Variants in PPP4R2 observed in about 807,000 individuals in gnomAD.
PPP4R2 encodes the protein protein phosphatase 4 regulatory subunit 2.
Under a neutral mutation model 47.2 loss-of-function variants are expected in PPP4R2, and 13 were observed. That is an observed-to-expected ratio of 0.28 (90% CI 0.18 to 0.44). PPP4R2 has a LOEUF of 0.44. Among genes scored for constraint, PPP4R2 ranks in the 20% least tolerant of loss-of-function variants. The pLI, the probability that PPP4R2 is intolerant of heterozygous loss-of-function variation, is 1.00. For missense variants in PPP4R2, 421 were observed against 491.2 expected (o/e 0.86, Z 1.35); for synonymous variants, 151 against 163.3 (o/e 0.92, Z 0.57).
rs1701777064 is a variant in PPP4R2, at chr3:73,014,059, G to A, written c.116+15901G>A. Among the ~76,000 whole-genome samples, 4 of 129,572 alleles carry A rather than the reference G, an allele frequency of 3.1e-5. 2 individuals are homozygous for A. The highest frequency in any genetic ancestry group is 7.2e-5 in the Non-Finnish European group (4 of 55,878). The allele number at this position is 129,572 out of a possible 152,430, so 85.0% of individuals were successfully genotyped here. A position where few individuals can be genotyped will look rare whatever the true frequency, so the allele number is the denominator to read the frequency against. ...CCTGTCTTCTTTGATGGTTTTTTGG[G>A]CAGTTTACAGTTACCAACCAATTCA... is the stretch of plus-strand genomic sequence containing the variant. On this transcript the variant is annotated intron_variant, in intron 2 of 8. Transcript: ENST00000356692.
In PPP4R2 at chr3:72,996,913, C is replaced by G. The variant is rs535507370; in HGVS notation, c.-125C>G. 1.8e-5 allele frequency: 11 copies of G among 603,780 alleles called. No homozygotes were observed. The highest frequency in any genetic ancestry group is 6.9e-5 in the East Asian group (2 of 28,898). The allele number at this position is 603,780 out of a possible 1,614,324, so 37.4% of individuals were successfully genotyped here. ...CCCCGGCTCCCTTCGTTTCCCCCCC[C>G]CGGTCGCCTGCGTGCCGGAGTGTGT... On this transcript the variant is annotated 5_prime_UTR_variant, in exon 1 of 9. Transcript: ENST00000356692.
At position 73,065,735 on chromosome 3, in the gene PPP4R2, A is replaced by G; in HGVS notation, c.*13A>G. The G allele has an allele frequency of 6.5e-7, 1 of 1,549,510 alleles. No individual in the cohort carries two copies. Among genetic ancestry groups the G allele is most frequent in the Non-Finnish European group, 8.8e-7 (1 of 1,137,628 alleles). On this transcript the variant is annotated 3_prime_UTR_variant, in exon 9 of 9. Coordinates refer to ENST00000356692, the MANE Select transcript of PPP4R2 (RefSeq NM_174907.4). Reference sequence around the variant, plus strand: ...GGAACAAGACTAACTATTTAGAAACATTTAGATGCAGTATTTTACATACAG... The same window carrying G: ...GGAACAAGACTAACTATTTAGAAACGTTTAGATGCAGTATTTTACATACAG...
intron 2 of PPP4R2, among the ~76,000 whole-genome samples, chr3:73,018,557 A>C (rs1298418394): frequency 7.8e-6 from 1 of 128,174 alleles, no homozygotes; most frequent in Non-Finnish European, 1.8e-5. Flanking sequence ...GGGCACAAGC[A>C]GTTCTCCCAC....
At chr3:73,062,325 A>G (rs1702879649) in intron 5 of PPP4R2, 1 of 1,604,406 alleles carries the variant, frequency 6.2e-7, no homozygotes, top group Admixed American at 1.7e-5. Context: ...GCTATCTGGG[A>G]AAAACAGACA....
At chr3:73,015,651 T>C (rs1701814492) in intron 2 of PPP4R2, among the ~76,000 whole-genome samples, 1 of 151,280 alleles carries the variant, frequency 6.6e-6, no homozygotes, top group African/African-American at 2.4e-5. Context: ...TTTTTTTTTT[T>C]TTTTGAGACG....
At chr3:73,012,168 G>A (rs1701738130) in intron 2 of PPP4R2, among the ~76,000 whole-genome samples, 1 of 152,028 alleles carries the variant, frequency 6.6e-6, no homozygotes, top group Non-Finnish European at 1.5e-5. Flanking sequence ...GCACATCCTT[G>A]GTGCATCTCT....
At chr3:73,042,919 TAG>T (rs1288632104) in intron 2 of PPP4R2, among the ~76,000 whole-genome samples, 1 of 152,192 alleles carries the variant, frequency 6.6e-6, no homozygotes, top group African/African-American at 2.4e-5. Flanking sequence ...GTTAGTGCCA[TAG>T]AGTCTTTGAA....
chr3:73,014,627 G>A (rs890270330), intron 2 of PPP4R2, among the ~76,000 whole-genome samples: 1 of 152,020 alleles, frequency 6.6e-6, no homozygotes, highest in African/African-American at 2.4e-5. Context: ...CTGAAAATCT[G>A]GTAGGTGAAA....
chr3:73,056,860 TA>T (rs1460399479), intron 3 of PPP4R2, among the ~76,000 whole-genome samples: 2 of 152,210 alleles, frequency 1.3e-5, no homozygotes, highest in Non-Finnish European at 2.9e-5. Flanking sequence ...AAACTAATTT[TA>T]ATTAGTGAGA....
intron 2 of PPP4R2, among the ~76,000 whole-genome samples, chr3:73,001,781 G>A (rs1701467209): frequency 6.6e-6 from 1 of 151,814 alleles, no homozygotes; most frequent in African/African-American, 2.4e-5. Context: ...TGGGACTACA[G>A]GCACACACAA....
rs546631684 is a variant in PPP4R2, at chr3:73,016,775, C to T, written c.116+18617C>T. 3.1e-4 allele frequency among the ~76,000 whole-genome samples: 33 copies of T among 107,116 alleles called. 1 individual carries two copies. The highest frequency in any genetic ancestry group is 1.1e-3 in the African/African-American group (29 of 26,874). The allele number at this position is 107,116 out of a possible 152,430, so 70.3% of individuals were successfully genotyped here. On this transcript the variant is annotated intron_variant, in intron 2 of 8. Coordinates refer to ENST00000356692, the MANE Select transcript of PPP4R2 (RefSeq NM_174907.4). ...TTTTTAATACAGAGTCTCACTCTGT[C>T]ACCCATTCTGTTAACTGGCTTTACT...
intron 2 of PPP4R2, among the ~76,000 whole-genome samples, chr3:73,028,823 A>G (rs1388703381): frequency 6.6e-6 from 1 of 152,194 alleles, no homozygotes; most frequent in African/African-American, 2.4e-5. Context: ...CAAGGAGGCC[A>G]CTGTGGCTGA....
intron 5 of PPP4R2, chr3:73,063,428 A>T (rs564499722): frequency 5.3e-5 from 19 of 357,452 alleles, no homozygotes; most frequent in Middle Eastern, 8.8e-4. Context: ...GTTTGAGGCT[A>T]GCCTGGCCAA....
chr3:73,062,368 G>A, intron 5 of PPP4R2: 1 of 1,606,960 alleles, frequency 6.2e-7, no homozygotes, highest in Non-Finnish European at 8.5e-7. Context: ...CCCCAACCCA[G>A]CATTGGGGAT....
At chr3:73,004,663 T>C (rs536297985) in intron 2 of PPP4R2, among the ~76,000 whole-genome samples, 1 of 152,196 alleles carries the variant, frequency 6.6e-6, no homozygotes, top group Non-Finnish European at 1.5e-5. Context: ...TCTCCTGAGC[T>C]TGAACTCCCG....
intron 2 of PPP4R2, among the ~76,000 whole-genome samples, chr3:73,026,655 C>T (rs754734259): frequency 6.6e-6 from 1 of 152,052 alleles, no homozygotes; most frequent in Non-Finnish European, 1.5e-5. Context: ...GAATGTGACC[C>T]AACACAAATT....
At chr3:73,034,707 A>T (rs910990644) in intron 2 of PPP4R2, among the ~76,000 whole-genome samples, 3 of 151,910 alleles carry the variant, frequency 2.0e-5, no homozygotes, top group Non-Finnish European at 2.9e-5. Flanking sequence ...TAATTTTTAA[A>T]TTTTTTGTAG....
At chr3:73,030,367 A>G (rs182451247) in intron 2 of PPP4R2, among the ~76,000 whole-genome samples, 11 of 152,242 alleles carry the variant, frequency 7.2e-5, no homozygotes, top group East Asian at 3.9e-4. Context: ...GAAATTCCCT[A>G]TTGTTTTCAG....
At chr3:73,015,008 T>A (rs919059917) in intron 2 of PPP4R2, 14 of 656,278 alleles carry the variant, frequency 2.1e-5, no homozygotes, top group Non-Finnish European at 3.3e-5. Flanking sequence ...CCAGTCGTAA[T>A]TTTTTTTCCT....
Sources: gnomAD v4.1 joint callset for allele counts (sites outside exome capture counted in the v4.1 genomes callset) on GRCh38, gnomAD v4.1.1 for gene constraint, MANE v1.5 for transcripts, NCBI Gene and HGNC (gene_info 2026-07-23, HGNC 2026-07-21) for gene names.